Variants in RET observed in about 807,000 individuals in gnomAD.
The protein encoded by RET is proto-oncogene tyrosine-protein kinase receptor Ret.
Under a neutral mutation model 118.3 loss-of-function variants are expected in RET, and 19 were observed. That is an observed-to-expected ratio of 0.16 (90% CI 0.11 to 0.24). RET has a LOEUF of 0.24. RET is among the 10% of genes least tolerant of loss of function. The probability of loss-of-function intolerance (pLI) is 1.00; values close to 1 mark genes in which losing one functional copy is unlikely to be tolerated. For missense variants in RET, 1,219 were observed against 1,502.1 expected, an observed-to-expected ratio of 0.81 and a Z score of 3.12; for synonymous variants, 597 against 644.1, an observed-to-expected ratio of 0.93 and a Z score of 1.11.
chr10:43,082,330 A>G (rs914671271), intron 1 of RET, among the ~76,000 whole-genome samples: 3 of 152,192 alleles, frequency 2.0e-5, no homozygotes, highest in Non-Finnish European at 2.9e-5. Context: ...GCCAGCTCCA[A>G]GCAAACACCT....
At chr10:43,123,643 C>T (rs1305797170) in intron 16 of RET, 28 bp from the exon 17 acceptor site, 1 of 1,613,856 alleles carries the variant, frequency 6.2e-7, no homozygotes, top group East Asian at 2.2e-5. Flanking sequence ...CAGGTGGAGC[C>T]ACTCACTGGT....
intron 1 of RET, among the ~76,000 whole-genome samples, chr10:43,098,730 C>T (rs1481645718): frequency 6.6e-6 from 1 of 152,132 alleles, no homozygotes; most frequent in Non-Finnish European, 1.5e-5. Flanking sequence ...CCAGATTTCC[C>T]TCCTTTCTAA....
At position 43,087,877 on chromosome 10, in the gene RET, A is replaced by T. The variant is rs1013752577; in HGVS notation, c.73+10546A>T. Among the ~76,000 whole-genome samples, 7 of 152,248 alleles carry T rather than the reference A, an allele frequency of 4.6e-5. No individual in the cohort carries two copies. The South Asian group carries it at 1.4e-3, about 32-fold the overall frequency. On this transcript the variant is annotated intron_variant, in intron 1 of 19. Coordinates refer to ENST00000355710, the MANE Select transcript of RET (RefSeq NM_020975.6). ...CAGCAAAGTGATGAGAGTGGTAGGG[A>T]TAGAGGTGAGATGGGGGTGGTGCTG...
At chr10:43,084,670 G>A (rs1837252685) in intron 1 of RET, among the ~76,000 whole-genome samples, 1 of 152,226 alleles carries the variant, frequency 6.6e-6, no homozygotes, top group South Asian at 2.1e-4. Context: ...CTTGTGAGGA[G>A]AGTGTGGATT....
intron 5 of RET, among the ~76,000 whole-genome samples, chr10:43,107,269 T>G (rs563820676): frequency 1.2e-4 from 18 of 152,264 alleles, no homozygotes; most frequent in Admixed American, 4.6e-4. Context: ...ACCAAGCCTA[T>G]GGAGGCCCCA....
In RET at chr10:43,079,852, C is replaced by A. The variant is rs568314459; in HGVS notation, c.73+2521C>A. The stretch of plus-strand genomic sequence containing the variant: ...GCAGCTCAGGCCAGGGGTACAGCTC[C>A]CCCTGCTTCATCCTTTTCCTTCTCC... On this transcript the variant is annotated intron_variant, in intron 1 of 19. Transcript: ENST00000355710. Among the ~76,000 whole-genome samples, 7 of 152,274 alleles carry A rather than the reference C, an allele frequency of 4.6e-5. No individual in the cohort carries two copies. In the South Asian group the frequency reaches 1.2e-3, roughly 27 times the overall value.
At chr10:43,086,459 A>C (rs558699656) in intron 1 of RET, among the ~76,000 whole-genome samples, 2 of 152,048 alleles carry the variant, frequency 1.3e-5, no homozygotes, top group Admixed American at 6.5e-5. Flanking sequence ...TGCTGAGTGC[A>C]TGGGGACAGT....
chr10:43,128,030 G>A, intron 19 of RET, 82 bp from the exon 20 acceptor site: 1 of 1,439,296 alleles, frequency 6.9e-7, no homozygotes, highest in Non-Finnish European at 9.8e-7. Context: ...GAACATCAAA[G>A]GGAGTTTTGC....
intron 1 of RET, among the ~76,000 whole-genome samples, chr10:43,081,322 C>T (rs12241073): frequency 3.2e-4 from 24 of 74,552 alleles, no homozygotes; most frequent in African/African-American, 9.3e-4. Flanking sequence ...GTAACAATAA[C>T]AGTAACAATA....
In RET at chr10:43,114,121, T is replaced by G. The variant is rs911311361; in HGVS notation, c.1880-359T>G. On this transcript the variant is annotated intron_variant, in intron 10 of 19. Coordinates refer to ENST00000355710, the MANE Select transcript of RET (RefSeq NM_020975.6). The surrounding 1 kb of genome is among the most constrained non-coding windows in gnomAD (Gnocchi z 4.6). ...CTACGTCCCTAGCCACTTAGCATTT[T>G]CATAAAGAAAATGCCAAAGACATTT... is the stretch of plus-strand genomic sequence containing the variant. Among the ~76,000 whole-genome samples the G allele has an allele frequency of 1.3e-5, 2 of 152,212 alleles. No homozygotes were observed. The highest frequency in any genetic ancestry group is 2.9e-5 in the Non-Finnish European group (2 of 68,030).
At chr10:43,091,596 A>T (rs1430181824) in intron 1 of RET, among the ~76,000 whole-genome samples, 1 of 148,386 alleles carries the variant, frequency 6.7e-6, no homozygotes, top group East Asian at 2.0e-4. Flanking sequence ...GTGCCACTGC[A>T]CTCCAGCCTG....
At chr10:43,120,330 C>A in intron 15 of RET, 127 bp downstream of exon 15, 1 of 1,325,340 alleles carries the variant, frequency 7.5e-7, no homozygotes, top group Non-Finnish European at 1.0e-6. Context: ...TTATAGCCCT[C>A]ACCCCAAATC....
At chr10:43,094,943 C>T (rs1418321980) in intron 1 of RET, among the ~76,000 whole-genome samples, 1 of 152,160 alleles carries the variant, frequency 6.6e-6, no homozygotes, top group Admixed American at 6.5e-5. Flanking sequence ...CCGCCTGAGT[C>T]TGACCAGGAG....
chr10:43,127,118 G>A, intron 19 of RET: 1 of 1,158,164 alleles, frequency 8.6e-7, no homozygotes, highest in South Asian at 2.6e-5. Flanking sequence ...TGAGAAAGGA[G>A]CCACCAGCAC....
rs1554818618 is a variant in RET, at chr10:43,112,095, G to A, written c.1523-4G>A. ...CTGTGACCCTGCTTGTCTGCCACCT[G>A]CAGATGTGGCCGAGGAGGCGGGCTG... is the stretch of plus-strand genomic sequence containing the variant. On this transcript the variant is annotated splice_polypyrimidine_tract_variant and splice_region_variant and intron_variant, in intron 7 of 19. Coordinates refer to ENST00000355710, the MANE Select transcript of RET (RefSeq NM_020975.6). 1 of 1,598,506 alleles carries A rather than the reference G, an allele frequency of 6.3e-7. No homozygotes were observed. The highest frequency in any genetic ancestry group is 8.5e-7 in the Non-Finnish European group (1 of 1,172,810).
intron 1 of RET, 136 bp downstream of exon 1, chr10:43,077,467 G>C (rs1287877645): frequency 8.4e-7 from 1 of 1,191,714 alleles, no homozygotes; most frequent in African/African-American, 1.6e-5. Context: ...CCCGGCCTCG[G>C]CTGGGAGCGC....
intron 4 of RET, among the ~76,000 whole-genome samples, chr10:43,105,975 GC>G (rs1352264600): frequency 6.6e-6 from 1 of 152,160 alleles, no homozygotes; most frequent in African/African-American, 2.4e-5. Flanking sequence ...TCGGAGCTCG[GC>G]TCTGCCGGCT....
In RET at chr10:43,120,129, C is replaced by T. The variant is rs146838520; in HGVS notation, c.2656C>T (p.Arg886Trp). The T allele has an allele frequency of 5.6e-6, 9 of 1,613,804 alleles. No individual in the cohort carries two copies. Among genetic ancestry groups the T allele is most frequent in the African/African-American group, 4.0e-5 (3 of 74,910 alleles). ...CAGAAACATCCTGGTAGCTGAGGGG[C>T]GGAAGATGAAGATTTCGGATTTCGG... is the stretch of plus-strand genomic sequence containing the variant. Reference protein sequence around the residue: ...AARNILVAEGRKMKISDFGLS... With the variant: ...AARNILVAEGWKMKISDFGLS... Residue 886 changes from arginine (R) to tryptophan (W), a missense_variant, in exon 15 of 20, where the codon CGG (arginine) becomes TGG (tryptophan). Physicochemically the swap from Arg to Trp is moderately radical, Grantham distance 101. This residue lies in a region of RET where 73 missense variants were observed against 156.5 expected (regional missense o/e 0.47). Coordinates refer to ENST00000355710, the MANE Select transcript of RET (RefSeq NM_020975.6).
At chr10:43,125,026 G>GGA (rs763544974) in intron 18 of RET, 44 bp downstream of exon 18, 1 of 1,581,934 alleles carries the variant, frequency 6.3e-7, no homozygotes, top group South Asian at 1.1e-5. Context: ...AGTGGCTTGG[G>GGA]GAGACTCCAG....
Sources: allele counts gnomAD v4.1 joint callset (sites outside exome capture counted in the v4.1 genomes callset), GRCh38; gene constraint gnomAD v4.1.1; regional missense constraint gnomAD v4.1.1; non-coding constraint Gnocchi (gnomAD v3.1); transcripts MANE v1.5; gene names NCBI Gene and HGNC (gene_info 2026-07-23, HGNC 2026-07-21).